Variants in LPGAT1 observed in about 807,000 individuals in gnomAD.
LPGAT1 encodes acyl-CoA:lysophosphatidylglycerol acyltransferase 1.
A neutral mutation model predicts 47.5 loss-of-function variants in LPGAT1; 11 were observed. The observed-to-expected ratio is 0.23, with a 90% CI of 0.15 to 0.38. The LOEUF is 0.38. Ranked by LOEUF, LPGAT1 falls within the 10% of genes least tolerant of loss-of-function variation. The pLI is 1.00. For missense variants in LPGAT1, 293 were observed against 439.0 expected (o/e 0.67, Z 2.97); for synonymous variants, 138 against 144.2 (o/e 0.96, Z 0.31).
chr1:211,744,430 G>A lies in LPGAT1; in HGVS notation c.*5469C>T, dbSNP rs772534636. ...AGAAACAGTTTTAACAGTAGATCAC[G>A]TATCAGATTGAATGATAATAAATTT... On this transcript the variant is annotated 3_prime_UTR_variant, in exon 8 of 8. Coordinates refer to ENST00000366997, the MANE Select transcript of LPGAT1 (RefSeq NM_014873.3). 1.2e-4 allele frequency: 18 copies of A among 152,148 alleles called. No individual in the cohort carries two copies. Among genetic ancestry groups the A allele is most frequent in the South Asian group, 4.1e-4 (2 of 4,834 alleles). The allele number at this position is 152,148 out of a possible 1,614,324, so 9.4% of individuals were successfully genotyped here. A position where few individuals can be genotyped will look rare whatever the true frequency, so the allele number is the denominator to read the frequency against.
At chr1:211,816,998 C>T (rs547444990) in intron 2 of LPGAT1, among the ~76,000 whole-genome samples, 15 of 152,168 alleles carry the variant, frequency 9.9e-5, no homozygotes, top group Non-Finnish European at 2.1e-4. Flanking sequence ...TTTATAATGG[C>T]TGCTCAATTC....
chr1:211,763,288 T>C (rs1657777512), intron 6 of LPGAT1, among the ~76,000 whole-genome samples: 1 of 152,178 alleles, frequency 6.6e-6, no homozygotes, highest in South Asian at 2.1e-4. Flanking sequence ...GATTAATCCA[T>C]TCAAGGATTA....
chr1:211,790,577 A>G lies in LPGAT1; in HGVS notation c.357+2495T>C, dbSNP rs76168161. On this transcript the variant is annotated intron_variant, in intron 3 of 7. Transcript: ENST00000366997. ...CCTTATATTCTGTTACTCCTTTATG[A>G]AAGAAAATAAAATATTCTTCTAGAT... 9.0e-4 allele frequency among the ~76,000 whole-genome samples: 137 copies of G among 152,324 alleles called. 1 individual carries two copies. In the East Asian group the frequency reaches 0.022, roughly 25 times the overall value.
Position 211,797,497 on chromosome 1 carries a change from C to T in LPGAT1, c.239-4307G>A, listed in dbSNP as rs575018965. On this transcript the variant is annotated intron_variant, in intron 2 of 7. Coordinates refer to ENST00000366997, the MANE Select transcript of LPGAT1 (RefSeq NM_014873.3). Reference sequence around the variant, plus strand: ...ATTTTATAATAATTCTAATTTTATTCAACAACAAATTTAATTTCCAATATA... The same window carrying T: ...ATTTTATAATAATTCTAATTTTATTTAACAACAAATTTAATTTCCAATATA... 5.3e-5 allele frequency among the ~76,000 whole-genome samples: 8 copies of T among 151,864 alleles called. No individual in the cohort carries two copies. In the East Asian group the frequency reaches 1.3e-3, roughly 26 times the overall value.
intron 6 of LPGAT1, among the ~76,000 whole-genome samples, chr1:211,776,032 A>C (rs1464005905): frequency 2.0e-5 from 3 of 149,468 alleles, no homozygotes; most frequent in African/African-American, 7.3e-5. Flanking sequence ...CTAATGTTCT[A>C]GGACTTATCT....
At chr1:211,822,622 C>CA (rs1660401601) in intron 2 of LPGAT1, among the ~76,000 whole-genome samples, 1 of 151,704 alleles carries the variant, frequency 6.6e-6, no homozygotes, top group South Asian at 2.1e-4. Context: ...ACTAAACATA[C>CA]AAAAAATTAG....
At chr1:211,803,030 G>A (rs1220838727) in intron 2 of LPGAT1, 2 of 151,968 alleles carry the variant, frequency 1.3e-5, no homozygotes, top group East Asian at 3.9e-4. Context: ...TGGTCTAAAG[G>A]TAGTGAGTTA....
At position 211,805,280 on chromosome 1, in the gene LPGAT1, G is replaced by A. The variant is rs1571751033; in HGVS notation, c.239-12090C>T. ...CTACAAACGTTCCTTGATTTATCAT[G>A]GGGTTCCTGATAAACCCATCGTAAG... On this transcript the variant is annotated intron_variant, in intron 2 of 7. Coordinates refer to ENST00000366997, the MANE Select transcript of LPGAT1 (RefSeq NM_014873.3). Among the ~76,000 whole-genome samples, 4 of 152,210 alleles carry A rather than the reference G, an allele frequency of 2.6e-5. No individual in the cohort carries two copies. In the South Asian group the frequency reaches 8.3e-4, roughly 32 times the overall value.
chr1:211,743,891 T>A lies in LPGAT1; in HGVS notation c.*6008A>T, dbSNP rs1656844094. On this transcript the variant is annotated 3_prime_UTR_variant, in exon 8 of 8. Transcript: ENST00000366997. ...GTGCAAGATATTTTAATATTTAAAT[T>A]TTTCAGTGGGATTTAAACAATTGTT... The A allele has an allele frequency of 6.6e-6, 1 of 152,176 alleles. No individual in the cohort carries two copies. Among genetic ancestry groups the A allele is most frequent in the Admixed American group, 6.5e-5 (1 of 15,282 alleles). The allele number at this position is 152,176 out of a possible 1,614,324, so 9.4% of individuals were successfully genotyped here.
chr1:211,793,191 C>CT lies in LPGAT1; in HGVS notation c.239-2dup. The CT allele has an allele frequency of 6.3e-7, 1 of 1,592,244 alleles. No individual in the cohort carries two copies. The highest frequency in any genetic ancestry group is 8.6e-7 in the Non-Finnish European group (1 of 1,165,662). On this transcript the variant is annotated splice_acceptor_variant, in intron 2 of 7. Transcript: ENST00000366997. LOFTEE classifies it high-confidence loss of function. ...TTAATATCTTCTCCCCATTCCATCA[C>CT]TGTAAGAACAAAAAAGTTTCAAAGC...
At chr1:211,771,822 T>C (rs928206663) in intron 6 of LPGAT1, among the ~76,000 whole-genome samples, 3 of 152,312 alleles carry the variant, frequency 2.0e-5, no homozygotes, top group South Asian at 2.1e-4. Flanking sequence ...TTAGTTTTGA[T>C]GTACTCATAT....
At chr1:211,759,393 T>C (rs955951945) in intron 6 of LPGAT1, among the ~76,000 whole-genome samples, 1 of 152,184 alleles carries the variant, frequency 6.6e-6, no homozygotes, top group African/African-American at 2.4e-5. Flanking sequence ...GCTCCTCTTT[T>C]TAGTAACTAT....
At chr1:211,807,918 C>T (rs1394746596) in intron 2 of LPGAT1, among the ~76,000 whole-genome samples, 1 of 152,094 alleles carries the variant, frequency 6.6e-6, no homozygotes, top group Non-Finnish European at 1.5e-5. Context: ...CCTATTCTGG[C>T]TTGGGGGCTG....
Position 211,815,201 on chromosome 1 carries a change from C to T in LPGAT1, c.238+13858G>A, listed in dbSNP as rs115813520. ...CCAGACTGCACATCCATGTCAATTT[C>T]ACAGCTCCACTTGGATGTTTTTCAT... On this transcript the variant is annotated intron_variant, in intron 2 of 7. Coordinates refer to ENST00000366997, the MANE Select transcript of LPGAT1 (RefSeq NM_014873.3). Among the ~76,000 whole-genome samples, 597 of 152,304 alleles carry T rather than the reference C, an allele frequency of 3.9e-3. 6 individuals are homozygous for T. The highest frequency in any genetic ancestry group is 0.014 in the African/African-American group (571 of 41,566).
At chr1:211,752,917 A>G (rs1246227747) in intron 6 of LPGAT1, among the ~76,000 whole-genome samples, 2 of 151,436 alleles carry the variant, frequency 1.3e-5, no homozygotes, top group Non-Finnish European at 2.9e-5. Context: ...TCCTGTCACA[A>G]CTACTCAATT....
chr1:211,752,454 TCTC>T (rs1177722900), intron 6 of LPGAT1, among the ~76,000 whole-genome samples: 4 of 152,132 alleles, frequency 2.6e-5, no homozygotes, highest in Admixed American at 6.5e-5. Context: ...ATAGATTAAT[TCTC>T]CTCCTCATTG....
chr1:211,829,017 A>ATG (rs766497299), intron 2 of LPGAT1, 42 bp downstream of exon 2: 5 of 1,600,332 alleles, frequency 3.1e-6, no homozygotes, highest in Non-Finnish European at 4.3e-6. Context: ...GTTCCTGACA[A>ATG]ATTTTTTCTT....
In LPGAT1 at chr1:211,778,363, A is replaced by AC. The variant is rs1558264337; in HGVS notation, c.854+554_854+555insG. Among the ~76,000 whole-genome samples, 63 of 133,896 alleles carry AC rather than the reference A, an allele frequency of 4.7e-4. 2 individuals are homozygous for AC. Among genetic ancestry groups the AC allele is most frequent in the Admixed American group, 6.7e-4 (9 of 13,456 alleles). 87.8% of individuals were successfully genotyped at this position (133,896 alleles called of 152,430 possible). A position where few individuals can be genotyped will look rare whatever the true frequency, so the allele number is the denominator to read the frequency against. On this transcript the variant is annotated intron_variant, in intron 6 of 7. Coordinates refer to ENST00000366997, the MANE Select transcript of LPGAT1 (RefSeq NM_014873.3). ...TCTCAAAAAAAAAAAAAAAAAAAAA[A>AC]AAAAAAAAAAAGGAAGGCATGAATA...
chr1:211,760,179 G>A (rs1200252561), intron 6 of LPGAT1, among the ~76,000 whole-genome samples: 1 of 152,230 alleles, frequency 6.6e-6, no homozygotes, highest in East Asian at 1.9e-4. Flanking sequence ...GAGATATCGG[G>A]CCGGGCGTGG....
Sources: gnomAD v4.1 joint callset for allele counts (sites outside exome capture counted in the v4.1 genomes callset) on GRCh38, gnomAD v4.1.1 for gene constraint, MANE v1.5 for transcripts, NCBI Gene and HGNC (gene_info 2026-07-23, HGNC 2026-07-21) for gene names.